MYCBP: variants seen among roughly 807,000 people sequenced by gnomAD.
The protein encoded by MYCBP is C-Myc-binding protein.
MYCBP carries 5 observed loss-of-function variants against 16.8 expected under a neutral mutation model. The observed-to-expected ratio is 0.30, with a 90% CI of 0.16 to 0.63. MYCBP has a LOEUF of 0.63. MYCBP is among the 20% of genes least tolerant of loss of function. The pLI, the probability that MYCBP is intolerant of heterozygous loss-of-function variation, is 0.83. For synonymous variants in MYCBP, 35 were observed against 43.7 expected (o/e 0.80, Z 0.79); for missense variants, 103 against 121.8 (o/e 0.85, Z 0.73).
chr1:38,865,688 G>A (rs1361008667), intron 4 of MYCBP, among the ~76,000 whole-genome samples: 1 of 152,058 alleles, frequency 6.6e-6, no homozygotes, highest in Non-Finnish European at 1.5e-5. Context: ...TGCAGTCCCA[G>A]CTACTCAGGA....
At chr1:38,870,762 C>T (rs1376012538) in intron 2 of MYCBP, among the ~76,000 whole-genome samples, 4 of 121,156 alleles carry the variant, frequency 3.3e-5, no homozygotes, top group African/African-American at 6.3e-5. Context: ...CACTGCAGTC[C>T]GCAGTCCGGC....
intron 2 of MYCBP, among the ~76,000 whole-genome samples, chr1:38,869,819 T>C (rs895256780): frequency 6.6e-6 from 1 of 151,348 alleles, no homozygotes; most frequent in African/African-American, 2.4e-5. Context: ...GACAGGAGGA[T>C]TGCTTGAGCC....
rs1170079387 is a variant in MYCBP, at chr1:38,864,670, C to T, written c.312G>A (p.Ter104=). The T allele has an allele frequency of 1.2e-6, 2 of 1,613,838 alleles. No individual in the cohort carries two copies. Among genetic ancestry groups the T allele is most frequent in the Non-Finnish European group, 1.7e-6 (2 of 1,179,834 alleles). The part of the protein sequence containing the change: ...EPPQEEKRAE[*] ...ATTGTCTTTCAAACTGAGAAGAATC[C>T]TATTCAGCACGCTTCTCCTCCTGAG... Residue 104 remains the stop codon, a stop_retained_variant, in exon 5 of 5, where the codon TAG becomes TAA. Transcript: ENST00000397572.
chr1:38,863,324 T>G lies in MYCBP; in HGVS notation c.*1346A>C, dbSNP rs1489274344. On this transcript the variant is annotated 3_prime_UTR_variant, in exon 5 of 5. Transcript: ENST00000397572. Reference sequence around the variant, plus strand: ...ACCAGTTTTCATTGGATCATTTTGTTTTCTATGTGTGTTTTGACCAAAAAC... The same window carrying G: ...ACCAGTTTTCATTGGATCATTTTGTGTTCTATGTGTGTTTTGACCAAAAAC... 6.6e-6 allele frequency: 1 copy of G among 152,230 alleles called. No homozygotes were observed. Among genetic ancestry groups the G allele is most frequent in the Non-Finnish European group, 1.5e-5 (1 of 68,050 alleles). 9.4% of individuals were successfully genotyped at this position (152,230 alleles called of 1,614,324 possible).
At chr1:38,865,800 A>G (rs1448583179) in intron 4 of MYCBP, among the ~76,000 whole-genome samples, 1 of 152,122 alleles carries the variant, frequency 6.6e-6, no homozygotes, top group African/African-American at 2.4e-5. Flanking sequence ...CCTGTCTCAA[A>G]AAAAGAAAGA....
In MYCBP at chr1:38,866,937, G is replaced by A. The variant is rs147612932; in HGVS notation, c.210C>T (p.Ala70=). 3.5e-4 allele frequency: 565 copies of A among 1,595,790 alleles called. 2 individuals are homozygous for A. The African/African-American group carries it at 6.6e-3, about 19-fold the overall frequency. ...PEIELLRLEL[A]EMKEKYEAIV... ...TAGCTTCATACTTCTCTTTCATTTC[G>A]GCCAGTTCTAGGCGAAGCAGCTCTA... The change falls in exon 4 of 5, where the codon GCC becomes GCT. Residue 70 remains alanine (A), a synonymous_variant. Coordinates refer to ENST00000397572, the MANE Select transcript of MYCBP (RefSeq NM_012333.5).
rs1642298235 is a variant in MYCBP at position 38,864,557 on chromosome 1, A to T, written c.*113T>A. The T allele has an allele frequency of 5.7e-6, 6 of 1,052,550 alleles. No individual in the cohort carries two copies. In the Admixed American group the frequency reaches 1.2e-4, roughly 20 times the overall value. 65.2% of individuals were successfully genotyped at this position (1,052,550 alleles called of 1,614,324 possible). A position where few individuals can be genotyped will look rare whatever the true frequency, so the allele number is the denominator to read the frequency against. On this transcript the variant is annotated 3_prime_UTR_variant, in exon 5 of 5. Transcript: ENST00000397572. ...GTTTTTAACAGAGTGTGATAGGTGA[A>T]TTAAACATATTAAAAGAGTTCTATA...
chr1:38,868,496 G>C (rs1302507967), intron 2 of MYCBP, among the ~76,000 whole-genome samples: 3 of 152,012 alleles, frequency 2.0e-5, no homozygotes, highest in African/African-American at 7.3e-5. Context: ...TTCATCTATG[G>C]AACAAATTCC....
At chr1:38,867,446 CAAAA>C (rs11338710) in intron 3 of MYCBP, 112 bp downstream of exon 3, 1,934 of 620,990 alleles carry the variant, frequency 3.1e-3, no homozygotes, top group Middle Eastern at 4.0e-3. Context: ...GACTCCGTCT[CAAAA>C]AAAAAAAAAA....
rs550704828 is a variant in MYCBP, at chr1:38,868,680, C to T, written c.89-1070G>A. 1.7e-3 allele frequency among the ~76,000 whole-genome samples: 252 copies of T among 152,204 alleles called. 1 individual carries two copies. The highest frequency in any genetic ancestry group is 3.2e-3 in the Non-Finnish European group (217 of 67,998). ...CAGCACTTTGGGAGGCCAAGGCGGG[C>T]AGATCACGAAGTCAGGAGATCAAGA... On this transcript the variant is annotated intron_variant, in intron 2 of 4. Coordinates refer to ENST00000397572, the MANE Select transcript of MYCBP (RefSeq NM_012333.5).
intron 2 of MYCBP, among the ~76,000 whole-genome samples, chr1:38,871,209 C>T (rs912988234): frequency 6.6e-6 from 1 of 152,174 alleles, no homozygotes; most frequent in African/African-American, 2.4e-5. Context: ...CGCTGCACTC[C>T]AGCCTGGGCA....
chr1:38,868,358 A>G (rs1443721115), intron 2 of MYCBP, among the ~76,000 whole-genome samples: 1 of 152,208 alleles, frequency 6.6e-6, no homozygotes, highest in African/African-American at 2.4e-5. Flanking sequence ...CTTAAAAATT[A>G]AGTTTGTTTT....
chr1:38,867,958 A>T (rs1642373771), intron 2 of MYCBP, among the ~76,000 whole-genome samples: 1 of 152,224 alleles, frequency 6.6e-6, no homozygotes. Context: ...ATAAAATGGG[A>T]AGGCCCAGGA....
intron 2 of MYCBP, among the ~76,000 whole-genome samples, chr1:38,868,067 G>GGA (rs1216222235): frequency 6.6e-6 from 1 of 152,218 alleles, no homozygotes; most frequent in Non-Finnish European, 1.5e-5. Flanking sequence ...GCCAGATTAG[G>GGA]GAGAGTCATG....
chr1:38,869,629 G>C (rs895318209), intron 2 of MYCBP, among the ~76,000 whole-genome samples: 9 of 152,162 alleles, frequency 5.9e-5, no homozygotes, highest in African/African-American at 2.2e-4. Flanking sequence ...AGGATTTTTA[G>C]AGGTTGATAT....
At chr1:38,865,879 A>G (rs1427339221) in intron 4 of MYCBP, among the ~76,000 whole-genome samples, 5 of 152,100 alleles carry the variant, frequency 3.3e-5, no homozygotes, top group Non-Finnish European at 7.4e-5. Flanking sequence ...ATGGCCTTGC[A>G]AACTATGAAC....
intron 4 of MYCBP, among the ~76,000 whole-genome samples, chr1:38,865,471 A>G (rs1642315716): frequency 6.6e-6 from 1 of 152,226 alleles, no homozygotes; most frequent in African/African-American, 2.4e-5. Flanking sequence ...AGAGTTGACT[A>G]ATTTGAAGTT....
Position 38,867,741 on chromosome 1 carries a change from G to A in MYCBP, c.89-131C>T. On this transcript the variant is annotated intron_variant, in intron 2 of 4. Coordinates refer to ENST00000397572, the MANE Select transcript of MYCBP (RefSeq NM_012333.5). ...CACATTGCAAAGACTATACAATGCT[G>A]AACAAGACAGACAAGGTCCCTGTTC... 4.0e-6 allele frequency: 3 copies of A among 749,248 alleles called. No homozygotes were observed. The South Asian group carries it at 4.7e-5, about 12-fold the overall frequency. The allele number at this position is 749,248 out of a possible 1,614,324, so 46.4% of individuals were successfully genotyped here. A position where few individuals can be genotyped will look rare whatever the true frequency, so the allele number is the denominator to read the frequency against.
intron 2 of MYCBP, chr1:38,872,532 G>T (rs927285248): frequency 8.1e-5 from 13 of 159,932 alleles, no homozygotes; most frequent in Non-Finnish European, 1.2e-4. Flanking sequence ...TAAGGAATGG[G>T]GGCTGAAAAG....
Sources: allele counts gnomAD v4.1 joint callset (sites outside exome capture counted in the v4.1 genomes callset), GRCh38; gene constraint gnomAD v4.1.1; transcripts MANE v1.5; gene names NCBI Gene and HGNC (gene_info 2026-07-23, HGNC 2026-07-21).